EIF4H: variants seen among roughly 807,000 people sequenced by gnomAD.
EIF4H encodes Williams-Beuren syndrome chromosome region 1.
Under a neutral mutation model 30.6 loss-of-function variants are expected in EIF4H, and 8 were observed. That is an observed-to-expected ratio of 0.26 (90% CI 0.15 to 0.47). The LOEUF (loss-of-function observed/expected upper bound fraction) is 0.47, where lower values mean the gene tolerates loss of function less well. Ranked by LOEUF, EIF4H falls within the 20% of genes least tolerant of loss-of-function variation. EIF4H has a pLI of 0.99. For synonymous variants in EIF4H, 106 were observed against 122.7 expected, an observed-to-expected ratio of 0.86 and a Z score of 0.90; for missense variants, 188 against 339.5, an observed-to-expected ratio of 0.55 and a Z score of 3.51.
chr7:74,187,233 C>T (rs988031132), intron 1 of EIF4H, among the ~76,000 whole-genome samples: 3 of 152,042 alleles, frequency 2.0e-5, no homozygotes, highest in African/African-American at 7.3e-5. Context: ...AGTTGGAGAC[C>T]AGCCTGGCCA....
At chr7:74,182,433 T>TC (rs1238273604) in intron 1 of EIF4H, among the ~76,000 whole-genome samples, 1 of 152,144 alleles carries the variant, frequency 6.6e-6, no homozygotes, top group Non-Finnish European at 1.5e-5. Flanking sequence ...TCAAGTGATC[T>TC]CCCCACCTTG....
intron 1 of EIF4H, among the ~76,000 whole-genome samples, chr7:74,184,458 C>G (rs1048967979): frequency 6.6e-6 from 1 of 152,168 alleles, no homozygotes; most frequent in Non-Finnish European, 1.5e-5. Flanking sequence ...CACATTCATA[C>G]ACACAAACAT....
intron 1 of EIF4H, among the ~76,000 whole-genome samples, chr7:74,178,585 A>G (rs1800891188): frequency 6.6e-6 from 1 of 152,056 alleles, no homozygotes; most frequent in Non-Finnish European, 1.5e-5. Context: ...TGTTCTGGAA[A>G]GACTTCACAA....
At chr7:74,180,715 G>A (rs1800940629) in intron 1 of EIF4H, among the ~76,000 whole-genome samples, 1 of 152,200 alleles carries the variant, frequency 6.6e-6, no homozygotes, top group Admixed American at 6.5e-5. Flanking sequence ...CATCTTAGGA[G>A]GAAGGGCTGA....
intron 5 of EIF4H, 61 bp downstream of exon 5, chr7:74,190,367 T>C: frequency 6.5e-7 from 1 of 1,548,928 alleles, no homozygotes; most frequent in South Asian, 1.1e-5. Flanking sequence ...CTGTTCTCTG[T>C]TTCTTACGAG....
chr7:74,174,421 G>T lies in EIF4H; in HGVS notation c.38G>T (p.Ser13Ile). Reference protein sequence around the residue: ...DFDTYDDRAYSSFGGGRGSRG... With the variant: ...DFDTYDDRAYISFGGGRGSRG... The stretch of plus-strand genomic sequence containing the variant: ...GACACCTACGACGATCGGGCCTACA[G>T]CAGCTTCGGCGGCGGCAGAGGGTGA... Residue 13 changes from serine to isoleucine, a missense_variant, in exon 1 of 7, where the codon AGC (serine) becomes ATC (isoleucine). Around this residue, in one of 4 missense-constraint regions of EIF4H, gnomAD observed 43 missense variants for 43.4 expected, o/e 0.99. Transcript: ENST00000265753. 6.9e-7 allele frequency: 1 copy of T among 1,451,036 alleles called. No individual in the cohort carries two copies. The highest frequency in any genetic ancestry group is 2.1e-5 in the Admixed American group (1 of 48,188). The allele number at this position is 1,451,036 out of a possible 1,614,324, so 89.9% of individuals were successfully genotyped here. A position where few individuals can be genotyped will look rare whatever the true frequency, so the allele number is the denominator to read the frequency against.
At chr7:74,183,830 G>A (rs1291856669) in intron 1 of EIF4H, 1 of 152,236 alleles carries the variant, frequency 6.6e-6, no homozygotes, top group Admixed American at 6.5e-5. Context: ...CTGTCACACA[G>A]TGGACACTTT....
intron 1 of EIF4H, 25 bp downstream of exon 1, chr7:74,174,467 G>C: frequency 7.1e-7 from 1 of 1,399,804 alleles, no homozygotes; most frequent in Non-Finnish European, 9.4e-7. Context: ...CGCGGGCCCC[G>C]TCGGGGGCTG....
intron 5 of EIF4H, chr7:74,191,188 A>C (rs1463482319): frequency 5.6e-6 from 3 of 533,592 alleles, no homozygotes; most frequent in Non-Finnish European, 1.2e-5. Flanking sequence ...TATAGTTCTT[A>C]AAAGTCCTGT....
intron 5 of EIF4H, 50 bp from the exon 6 acceptor site, chr7:74,194,691 C>A: frequency 1.3e-6 from 2 of 1,517,420 alleles, no homozygotes; most frequent in Non-Finnish European, 1.8e-6. Flanking sequence ...CTATAAGCAG[C>A]TTGGAGACGA....
chr7:74,189,783 T>C, intron 3 of EIF4H, 39 bp from the exon 4 acceptor site: 1 of 1,614,088 alleles, frequency 6.2e-7, no homozygotes. Flanking sequence ...GAGATTGTTT[T>C]CTTTGCCAAT....
rs2116008625 is a variant in EIF4H, at chr7:74,196,402, T to G, written c.*1094T>G. 1 of 152,798 alleles carries G rather than the reference T, an allele frequency of 6.5e-6. No homozygotes were observed. Among genetic ancestry groups the G allele is most frequent in the South Asian group, 2.1e-4 (1 of 4,830 alleles). 9.5% of individuals were successfully genotyped at this position (152,798 alleles called of 1,614,324 possible). ...TGATAAATTGTACTATGCAGAGCTG[T>G]CAGGAACCTTCAGATAGCAGTAGAG... is the stretch of plus-strand genomic sequence containing the variant. On this transcript the variant is annotated 3_prime_UTR_variant, in exon 7 of 7. Transcript: ENST00000265753.
intron 1 of EIF4H, among the ~76,000 whole-genome samples, chr7:74,178,980 C>T (rs868940228): frequency 3.3e-5 from 5 of 152,156 alleles, no homozygotes; most frequent in Non-Finnish European, 5.9e-5. Flanking sequence ...CTAGGGGGGC[C>T]GTCACCTCCC....
chr7:74,190,052 G>A (rs914624383), intron 4 of EIF4H, 134 bp downstream of exon 4: 69 of 1,217,204 alleles, frequency 5.7e-5, no homozygotes, highest in African/African-American at 1.4e-4. Context: ...AAAAGTTTGC[G>A]TAAAATCCTA....
chr7:74,195,410 A>G lies in EIF4H; in HGVS notation c.*102A>G, dbSNP rs1190917956. 7.5e-7 allele frequency: 1 copy of G among 1,341,366 alleles called. No homozygotes were observed. The highest frequency in any genetic ancestry group is 1.5e-5 in the African/African-American group (1 of 68,216). The allele number at this position is 1,341,366 out of a possible 1,614,324, so 83.1% of individuals were successfully genotyped here. A position where few individuals can be genotyped will look rare whatever the true frequency, so the allele number is the denominator to read the frequency against. On this transcript the variant is annotated 3_prime_UTR_variant, in exon 7 of 7. Transcript: ENST00000265753. ...TGCAGCCGCCACTCCTGCGCCTGCC[A>G]TTGGCCTCCTCACAGCGGAAACACA...
chr7:74,185,422 G>A (rs1428325368), intron 1 of EIF4H, among the ~76,000 whole-genome samples: 1 of 152,196 alleles, frequency 6.6e-6, no homozygotes, highest in Non-Finnish European at 1.5e-5. Context: ...TGCAAAGTAA[G>A]TCACATTTAC....
chr7:74,194,992 C>T (rs1172846801), intron 6 of EIF4H, 114 bp downstream of exon 6: 2 of 1,502,244 alleles, frequency 1.3e-6, no homozygotes, highest in East Asian at 2.3e-5. Flanking sequence ...GGCATAGATC[C>T]CCACGTTCTC....
chr7:74,178,928 G>A (rs904152710), intron 1 of EIF4H, among the ~76,000 whole-genome samples: 4 of 152,222 alleles, frequency 2.6e-5, no homozygotes, highest in Admixed American at 6.5e-5. Context: ...GCTGCTCCAC[G>A]GTTGATGAGT....
chr7:74,186,552 G>A lies in EIF4H; in HGVS notation c.60-1059G>A, dbSNP rs766582511. ...GTTGAATAACTTCTCAAGGTCATATGCTAGTAAGTGACAGAGGCTAGATTT... is the reference window on the plus strand; with the variant it reads ...GTTGAATAACTTCTCAAGGTCATATACTAGTAAGTGACAGAGGCTAGATTT... On this transcript the variant is annotated intron_variant, in intron 1 of 6. Transcript: ENST00000265753. Among the ~76,000 whole-genome samples, 4 of 152,118 alleles carry A rather than the reference G, an allele frequency of 2.6e-5. No homozygotes were observed. The East Asian group carries it at 5.8e-4, about 22-fold the overall frequency.
Sources: gnomAD v4.1 joint callset for allele counts (sites outside exome capture counted in the v4.1 genomes callset) on GRCh38, gnomAD v4.1.1 for gene constraint, gnomAD v4.1.1 regional missense constraint, MANE v1.5 for transcripts, NCBI Gene and HGNC (gene_info 2026-07-23, HGNC 2026-07-21) for gene names.